Variants in FAM184B observed in about 807,000 individuals in gnomAD.
FAM184B encodes the protein protein FAM184B.
FAM184B carries 111 observed loss-of-function variants against 135.9 expected under a neutral mutation model. That is an observed-to-expected ratio of 0.82 (90% CI 0.70 to 0.96). The LOEUF is 0.96. Ranked by LOEUF, FAM184B falls within the 40% of genes least tolerant of loss-of-function variation. The probability of loss-of-function intolerance (pLI) is 0.00; values close to 1 mark genes in which losing one functional copy is unlikely to be tolerated. For synonymous variants in FAM184B, 552 were observed against 524.8 expected (o/e 1.05, Z -0.71); for missense variants, 1,375 against 1,323.9 (o/e 1.04, Z -0.60).
chr4:17,678,278 A>C (rs1678811062), intron 7 of FAM184B, among the ~76,000 whole-genome samples: 2 of 152,022 alleles, frequency 1.3e-5, no homozygotes, highest in Admixed American at 1.3e-4. Flanking sequence ...AACCCTAAAG[A>C]CTCCTCCAAA....
rs139058957 is a variant in FAM184B at position 17,757,917 on chromosome 4, G to A, written c.141+23242C>T. 1.4e-3 allele frequency among the ~76,000 whole-genome samples: 207 copies of A among 152,254 alleles called. 1 individual carries two copies. The highest frequency in any genetic ancestry group is 2.4e-3 in the Non-Finnish European group (166 of 68,014). On this transcript the variant is annotated intron_variant, in intron 1 of 17. Transcript: ENST00000265018. ...ATATATGTGAGTGAGATAATCAATA[G>A]TGTCTGCTCCCAAATTTATAACTCA... is the stretch of plus-strand genomic sequence containing the variant.
At chr4:17,724,986 A>G (rs1428943038) in intron 1 of FAM184B, among the ~76,000 whole-genome samples, 1 of 152,086 alleles carries the variant, frequency 6.6e-6, no homozygotes, top group Non-Finnish European at 1.5e-5. Flanking sequence ...CCACCCCAGA[A>G]GTGGCTCTCA....
intron 1 of FAM184B, among the ~76,000 whole-genome samples, chr4:17,756,262 G>A (rs920129288): frequency 6.6e-5 from 10 of 152,142 alleles, no homozygotes; most frequent in African/African-American, 2.4e-4. Flanking sequence ...TAAAAAGCAA[G>A]AAACCTGTTA....
At position 17,642,242 on chromosome 4, in the gene FAM184B, C is replaced by T; in HGVS notation, c.2347-14G>A. The T allele has an allele frequency of 6.1e-6, 9 of 1,469,590 alleles. No homozygotes were observed. Among genetic ancestry groups the T allele is most frequent in the African/African-American group, 1.5e-5 (1 of 67,698 alleles). 91.0% of individuals were successfully genotyped at this position (1,469,590 alleles called of 1,614,324 possible). A position where few individuals can be genotyped will look rare whatever the true frequency, so the allele number is the denominator to read the frequency against. ...GCCGCCCCGCTCCTGAGGAAGGCAA[C>T]CAGGAGAGGTGTTTTCAGGAGGCGC... On this transcript the variant is annotated splice_polypyrimidine_tract_variant and intron_variant, in intron 12 of 17. Transcript: ENST00000265018.
At chr4:17,699,789 C>T (rs1716943752) in intron 5 of FAM184B, among the ~76,000 whole-genome samples, 1 of 152,014 alleles carries the variant, frequency 6.6e-6, no homozygotes, top group South Asian at 2.1e-4. Context: ...GGGAAAATGA[C>T]CCTTTTTTCT....
Position 17,631,385 on chromosome 4 carries a change from A to T in FAM184B, c.*1147T>A, listed in dbSNP as rs563828052. 6.6e-6 allele frequency: 1 copy of T among 152,176 alleles called. No homozygotes were observed. Among genetic ancestry groups the T allele is most frequent in the Non-Finnish European group, 1.5e-5 (1 of 68,106 alleles). 9.4% of individuals were successfully genotyped at this position (152,176 alleles called of 1,614,324 possible). A position where few individuals can be genotyped will look rare whatever the true frequency, so the allele number is the denominator to read the frequency against. On this transcript the variant is annotated 3_prime_UTR_variant, in exon 18 of 18. Transcript: ENST00000265018. ...TCGCTGTGTTGCCCAGGCTGGTCTCAAATTCCTGGCCTCAAGCTCTCCTCC... is the reference window on the plus strand; with the variant it reads ...TCGCTGTGTTGCCCAGGCTGGTCTCTAATTCCTGGCCTCAAGCTCTCCTCC...
intron 17 of FAM184B, 93 bp downstream of exon 17, chr4:17,633,596 G>A (rs1287872655): frequency 1.3e-5 from 15 of 1,195,938 alleles, no homozygotes; most frequent in East Asian, 2.9e-5. Context: ...AAGGCCTTCT[G>A]GAATTTGGTA....
At position 17,707,698 on chromosome 4, in the gene FAM184B, A is replaced by T. The variant is rs933911551; in HGVS notation, c.981T>A (p.Val327=). Residue 327 remains valine, a synonymous_variant, in exon 3 of 18, where the codon GTT becomes GTA. Coordinates refer to ENST00000265018, the MANE Select transcript of FAM184B (RefSeq NM_015688.2). ...TAKKLGEKLA[V]AKDRMMLQEC... is the part of the protein sequence containing the mutation. ...CCTGCAGCATCATTCTGTCTTTGGC[A>T]ACAGCCAGCTTCTCCCCAAGTTTTT... is the stretch of plus-strand genomic sequence containing the variant. The T allele has an allele frequency of 6.4e-7, 1 of 1,551,828 alleles. No homozygotes were observed. The highest frequency in any genetic ancestry group is 8.7e-7 in the Non-Finnish European group (1 of 1,147,024).
intron 4 of FAM184B, 85 bp from the exon 5 acceptor site, chr4:17,705,291 C>T: frequency 9.6e-7 from 1 of 1,047,040 alleles, no homozygotes; most frequent in East Asian, 2.6e-5. Context: ...ACAACTTTTA[C>T]AACGTTTATA....
intron 15 of FAM184B, among the ~76,000 whole-genome samples, chr4:17,635,914 GATC>G (rs1715111004): frequency 2.6e-5 from 4 of 152,072 alleles, no homozygotes; most frequent in Admixed American, 2.6e-4. Flanking sequence ...ACAAAAAGAA[GATC>G]AACAATAAAA....
chr4:17,650,760 C>T (rs962180568), intron 11 of FAM184B, among the ~76,000 whole-genome samples: 9 of 152,214 alleles, frequency 5.9e-5, no homozygotes, highest in Non-Finnish European at 1.3e-4. Context: ...CCTTCCTGCT[C>T]CTCACACCAC....
chr4:17,764,215 T>C (rs1426558494), intron 1 of FAM184B, among the ~76,000 whole-genome samples: 4 of 152,182 alleles, frequency 2.6e-5, no homozygotes, highest in Admixed American at 2.6e-4. Context: ...GAGATTAATC[T>C]TCCTTTTACT....
At chr4:17,634,583 C>T (rs560971394) in intron 16 of FAM184B, among the ~76,000 whole-genome samples, 2 of 152,300 alleles carry the variant, frequency 1.3e-5, no homozygotes, top group South Asian at 4.1e-4. Context: ...CTCGGCCTCC[C>T]AAAGTGCTGG....
chr4:17,638,134 C>CTTTTTTTTTTTTTTTTTTT (rs56926847), intron 14 of FAM184B, among the ~76,000 whole-genome samples: 10 of 73,414 alleles, frequency 1.4e-4, no homozygotes, highest in African/African-American at 3.2e-4. Context: ...TAACTGTTTG[C>CTTTTTTTTTTTTTTTTTTT]TTTTTTTTTT....
intron 6 of FAM184B, among the ~76,000 whole-genome samples, chr4:17,691,616 G>A (rs755832973): frequency 1.3e-5 from 2 of 151,414 alleles, no homozygotes; most frequent in Non-Finnish European, 2.9e-5. Context: ...AACCCAGGAG[G>A]TGGAGGTTGC....
intron 1 of FAM184B, among the ~76,000 whole-genome samples, chr4:17,728,561 G>A (rs1018577489): frequency 6.6e-6 from 1 of 151,830 alleles, no homozygotes; most frequent in Non-Finnish European, 1.5e-5. Context: ...GTCAGTGTAG[G>A]TCCTGCAGTG....
chr4:17,682,262 C>T (rs1716459473), intron 7 of FAM184B, among the ~76,000 whole-genome samples: 2 of 152,118 alleles, frequency 1.3e-5, no homozygotes, highest in South Asian at 2.1e-4. Flanking sequence ...ACTAAAATGG[C>T]TTTCTGGAAA....
chr4:17,776,466 G>A (rs1319519976), intron 1 of FAM184B, among the ~76,000 whole-genome samples: 1 of 152,158 alleles, frequency 6.6e-6, no homozygotes, highest in Non-Finnish European at 1.5e-5. Flanking sequence ...TCAGCCAACT[G>A]CAACCTCCGC....
At position 17,732,434 on chromosome 4, in the gene FAM184B, C is replaced by T. The variant is rs1341369865; in HGVS notation, c.142-22790G>A. Among the ~76,000 whole-genome samples the T allele has an allele frequency of 1.6e-4, 25 of 152,016 alleles. No individual in the cohort carries two copies. In the East Asian group the frequency reaches 2.7e-3, roughly 16 times the overall value. ...GAAAAGATCAACAAAATCGATAGAC[C>T]GCTAGCAAGACTAATAAAGAAGAAA... On this transcript the variant is annotated intron_variant, in intron 1 of 17. Coordinates refer to ENST00000265018, the MANE Select transcript of FAM184B (RefSeq NM_015688.2).
Sources: gnomAD v4.1 joint callset for allele counts (sites outside exome capture counted in the v4.1 genomes callset) on GRCh38, gnomAD v4.1.1 for gene constraint, MANE v1.5 for transcripts, NCBI Gene and HGNC (gene_info 2026-07-23, HGNC 2026-07-21) for gene names.